Variants in FKTN observed in about 807,000 individuals in gnomAD.
FKTN encodes the protein ribitol-5-phosphate transferase FKTN.
A neutral mutation model predicts 58.6 loss-of-function variants in FKTN; 47 were observed. The observed-to-expected ratio is 0.80, with a 90% confidence interval of 0.63 to 1.02. The LOEUF is 1.02. Ranked by LOEUF, FKTN falls within the 50% of genes least tolerant of loss-of-function variation. The pLI, the probability that FKTN is intolerant of heterozygous loss-of-function variation, is 0.00. For missense variants in FKTN, 516 were observed against 537.3 expected (o/e 0.96, Z 0.39); for synonymous variants, 178 against 191.9 (o/e 0.93, Z 0.60).
chr9:105,600,233 A>G (rs1460537612), intron 4 of FKTN, among the ~76,000 whole-genome samples: 1 of 152,154 alleles, frequency 6.6e-6, no homozygotes, highest in African/African-American at 2.4e-5. Flanking sequence ...TCTTAGCTTT[A>G]TCTCATCCTT....
chr9:105,598,276 G>A (rs1588066333), intron 4 of FKTN: 1 of 356,916 alleles, frequency 2.8e-6, no homozygotes, highest in Non-Finnish European at 5.8e-6. Flanking sequence ...TCACAGGAAA[G>A]GAGAAGTACT....
intron 3 of FKTN, among the ~76,000 whole-genome samples, chr9:105,593,204 A>G (rs1845222548): frequency 6.6e-6 from 1 of 152,200 alleles, no homozygotes. Flanking sequence ...CGGAACCAGC[A>G]CTTCATATGG....
intron 10 of FKTN, among the ~76,000 whole-genome samples, chr9:105,632,084 A>C (rs1439596568): frequency 2.0e-5 from 3 of 151,932 alleles, no homozygotes; most frequent in African/African-American, 7.3e-5. Context: ...AATACTATGC[A>C]GCCATAAAAA....
At position 105,639,107 on chromosome 9, in the gene FKTN, A is replaced by T; in HGVS notation, c.*3843A>T. 1.0e-6 allele frequency: 1 copy of T among 985,258 alleles called. No individual in the cohort carries two copies. The highest frequency in any genetic ancestry group is 4.7e-5 in the South Asian group (1 of 21,286). 61.0% of individuals were successfully genotyped at this position (985,258 alleles called of 1,614,324 possible). The stretch of plus-strand genomic sequence containing the variant: ...AAATCCTTAGGAGAAATATTCCCTC[A>T]AAACCTAGTCAAGAAAGTGCCACAT... On this transcript the variant is annotated 3_prime_UTR_variant, in exon 11 of 11. Transcript: ENST00000357998.
intron 4 of FKTN, chr9:105,598,256 A>G: frequency 2.7e-6 from 1 of 375,378 alleles, no homozygotes. Context: ...GAATGACTAT[A>G]TTTGCAAAAT....
chr9:105,589,211 C>T (rs1259120516), intron 3 of FKTN, among the ~76,000 whole-genome samples: 1 of 152,150 alleles, frequency 6.6e-6, no homozygotes, highest in Non-Finnish European at 1.5e-5. Flanking sequence ...TGAAGAAGGG[C>T]CGACGGCTGG....
rs1436386821 is a variant in FKTN, at chr9:105,604,361, C to G, written c.516C>G (p.His172Gln). ...GCAAACTGGCCACTCATGCGATCCA[C>G]TTGGTAGTCTTTCATGAGAGGAGTG... ...YICKLATHAI[H>Q]LVVFHERSGN... Residue 172 changes from histidine to glutamine, a missense_variant, in exon 6 of 11, where the codon CAC becomes CAG. By Grantham distance (24) the His-to-Gln change is conservative (BLOSUM62 0). Coordinates refer to ENST00000357998, the MANE Select transcript of FKTN (RefSeq NM_001079802.2). 6.2e-7 allele frequency: 1 copy of G among 1,614,028 alleles called. No individual in the cohort carries two copies. Among genetic ancestry groups the G allele is most frequent in the African/African-American group, 1.3e-5 (1 of 74,942 alleles).
intron 1 of FKTN, among the ~76,000 whole-genome samples, chr9:105,568,100 T>G (rs1264012828): frequency 6.6e-6 from 1 of 152,144 alleles, no homozygotes; most frequent in African/African-American, 2.4e-5. Flanking sequence ...TGTAGAAAGC[T>G]GAAACTGGAT....
rs1833965572 is a variant in FKTN at position 105,635,475 on chromosome 9, G to T, written c.*211G>T. 4.2e-6 allele frequency: 6 copies of T among 1,428,052 alleles called. No homozygotes were observed. 88.5% of individuals were successfully genotyped at this position (1,428,052 alleles called of 1,614,324 possible). On this transcript the variant is annotated 3_prime_UTR_variant, in exon 11 of 11. Transcript: ENST00000357998. ...TACAATGCTAGGTTACAGTGGAGAAGCCTAGATGAATGAGACAAATACCTA... is the reference window on the plus strand; with the variant it reads ...TACAATGCTAGGTTACAGTGGAGAATCCTAGATGAATGAGACAAATACCTA...
chr9:105,575,762 T>A lies in FKTN; in HGVS notation c.105+625T>A, dbSNP rs192130745. Among the ~76,000 whole-genome samples, 237 of 152,242 alleles carry A rather than the reference T, an allele frequency of 1.6e-3. 1 individual carries two copies. Among genetic ancestry groups the A allele is most frequent in the African/African-American group, 5.4e-3 (225 of 41,532 alleles). On this transcript the variant is annotated intron_variant, in intron 3 of 10. Coordinates refer to ENST00000357998, the MANE Select transcript of FKTN (RefSeq NM_001079802.2). ...AACAATCATGGGGAAGAAAAAAAATTTTTTTTGTTTTTATGTTTTTATCCT... is the reference window on the plus strand; with the variant it reads ...AACAATCATGGGGAAGAAAAAAAATATTTTTTGTTTTTATGTTTTTATCCT...
In FKTN at chr9:105,637,507, C is replaced by T. The variant is rs1334164067; in HGVS notation, c.*2243C>T. 2.0e-6 allele frequency: 2 copies of T among 985,348 alleles called. No individual in the cohort carries two copies. Among genetic ancestry groups the T allele is most frequent in the African/African-American group, 3.5e-5 (2 of 57,242 alleles). 61.0% of individuals were successfully genotyped at this position (985,348 alleles called of 1,614,324 possible). On this transcript the variant is annotated 3_prime_UTR_variant, in exon 11 of 11. Coordinates refer to ENST00000357998, the MANE Select transcript of FKTN (RefSeq NM_001079802.2). The stretch of plus-strand genomic sequence containing the variant: ...CTGAAGGCCAGGCTTACCTCTGATT[C>T]TGATTCATCCATACTTCATCTTATG...
At position 105,640,607 on chromosome 9, in the gene FKTN, C is replaced by T. The variant is rs1834357366; in HGVS notation, c.*5343C>T. On this transcript the variant is annotated 3_prime_UTR_variant, in exon 11 of 11. Transcript: ENST00000357998. ...CTCTGCTTCCGTACTATCAAAACTT[C>T]TACCCTAGAATACCCCCTGGCACCT... The T allele has an allele frequency of 6.6e-6, 1 of 152,278 alleles. No homozygotes were observed. The highest frequency in any genetic ancestry group is 2.4e-5 in the African/African-American group (1 of 41,368). The allele number at this position is 152,278 out of a possible 1,614,324, so 9.4% of individuals were successfully genotyped here.
chr9:105,637,176 A>G lies in FKTN; in HGVS notation c.*1912A>G, dbSNP rs1588324547. 2.0e-6 allele frequency: 2 copies of G among 985,248 alleles called. No homozygotes were observed. The highest frequency in any genetic ancestry group is 1.1e-4 in the East Asian group (1 of 8,910). The allele number at this position is 985,248 out of a possible 1,614,324, so 61.0% of individuals were successfully genotyped here. On this transcript the variant is annotated 3_prime_UTR_variant, in exon 11 of 11. Transcript: ENST00000357998. ...AAATCCACCCTACTTGATGAGGACC[A>G]TTTGCTTGTGCTCAGTATTTAGAAA...
At chr9:105,607,457 T>C (rs951285211) in intron 6 of FKTN, among the ~76,000 whole-genome samples, 1 of 152,008 alleles carries the variant, frequency 6.6e-6, no homozygotes, top group Non-Finnish European at 1.5e-5. Flanking sequence ...TGATGTCAGA[T>C]TTTTCAAGGT....
intron 10 of FKTN, among the ~76,000 whole-genome samples, chr9:105,628,383 T>C (rs185009086): frequency 2.6e-5 from 4 of 152,352 alleles, no homozygotes; most frequent in Non-Finnish European, 5.9e-5. Context: ...GGGAATTGTA[T>C]ACTTATACAA....
Position 105,632,616 on chromosome 9 carries a change from G to A in FKTN, c.1173-2435G>A, listed in dbSNP as rs75237201. On this transcript the variant is annotated intron_variant, in intron 10 of 10. Coordinates refer to ENST00000357998, the MANE Select transcript of FKTN (RefSeq NM_001079802.2). Reference sequence around the variant, plus strand: ...TGCTTAAACTGATTGTAATTAAACTGATGAAATTATCCAACTACCACCAAG... The same window carrying A: ...TGCTTAAACTGATTGTAATTAAACTAATGAAATTATCCAACTACCACCAAG... 9.0e-3 allele frequency among the ~76,000 whole-genome samples: 1,373 copies of A among 151,980 alleles called. 21 individuals are homozygous for A. The highest frequency in any genetic ancestry group is 0.032 in the African/African-American group (1,315 of 41,464).
At chr9:105,602,467 A>G (rs1828051142) in intron 5 of FKTN, among the ~76,000 whole-genome samples, 1 of 152,242 alleles carries the variant, frequency 6.6e-6, no homozygotes. Flanking sequence ...GTCAAGAGGA[A>G]GAAGCAAAAG....
intron 3 of FKTN, among the ~76,000 whole-genome samples, chr9:105,595,851 G>T (rs753164873): frequency 2.0e-5 from 3 of 152,106 alleles, no homozygotes; most frequent in Non-Finnish European, 4.4e-5. Flanking sequence ...TATAGATAAC[G>T]TATGCACTCA....
At chr9:105,590,321 C>T (rs891781785) in intron 3 of FKTN, among the ~76,000 whole-genome samples, 1 of 152,128 alleles carries the variant, frequency 6.6e-6, no homozygotes, top group African/African-American at 2.4e-5. Flanking sequence ...GTAAGATATA[C>T]CTTTCACCTT....
Sources: gnomAD v4.1 joint callset for allele counts (sites outside exome capture counted in the v4.1 genomes callset) on GRCh38, gnomAD v4.1.1 for gene constraint, MANE v1.5 for transcripts, NCBI Gene and HGNC (gene_info 2026-07-23, HGNC 2026-07-21) for gene names.